FBXL20: variants seen among roughly 807,000 people sequenced by gnomAD.
FBXL20 encodes the protein F-box/LRR-repeat protein 20.
A neutral mutation model predicts 64.0 loss-of-function variants in FBXL20; 11 were observed. That is an observed-to-expected ratio of 0.17 (90% CI 0.11 to 0.28). FBXL20 has a LOEUF of 0.28. Among genes scored for constraint, FBXL20 ranks in the 10% least tolerant of loss-of-function variants. The pLI, the probability that FBXL20 is intolerant of heterozygous loss-of-function variation, is 1.00. For synonymous variants in FBXL20, 184 were observed against 189.0 expected (o/e 0.97, Z 0.22); for missense variants, 303 against 526.2 (o/e 0.58, Z 4.15).
chr17:39,400,372 G>A (rs1009685050), intron 1 of FBXL20, among the ~76,000 whole-genome samples: 8 of 152,086 alleles, frequency 5.3e-5, no homozygotes, highest in African/African-American at 1.9e-4. Context: ...TTGTCTCGCC[G>A]TCTTACAATT....
intron 2 of FBXL20, among the ~76,000 whole-genome samples, chr17:39,334,160 A>G (rs1871298888): frequency 6.6e-6 from 1 of 152,218 alleles, no homozygotes; most frequent in Non-Finnish European, 1.5e-5. Flanking sequence ...TTGTTAATCT[A>G]TAACCTTACC....
rs185959405 is a variant in FBXL20 at position 39,319,881 on chromosome 17, A to G, written c.105-16242T>C. Among the ~76,000 whole-genome samples the G allele has an allele frequency of 6.3e-3, 959 of 152,156 alleles. 17 individuals carry two copies. The highest frequency in any genetic ancestry group is 0.022 in the African/African-American group (917 of 41,510). On this transcript the variant is annotated intron_variant, in intron 2 of 14. Transcript: ENST00000264658. ...CCCACGCCAACTTCCCAAAGTGCTG[A>G]GATTGCAAGCATGAGCCACTGTGCC...
chr17:39,305,000 G>A (rs887393563), intron 2 of FBXL20, among the ~76,000 whole-genome samples: 3 of 151,776 alleles, frequency 2.0e-5, no homozygotes, highest in African/African-American at 4.8e-5. Context: ...CAGGTTATCC[G>A]CCCTGTCTCA....
intron 9 of FBXL20, among the ~76,000 whole-genome samples, chr17:39,277,012 A>G (rs1215625643): frequency 6.6e-6 from 1 of 152,226 alleles, no homozygotes; most frequent in African/African-American, 2.4e-5. Context: ...AGATTCACTA[A>G]TTTTGTGTAG....
chr17:39,321,532 T>G lies in FBXL20; in HGVS notation c.105-17893A>C, dbSNP rs551863954. The stretch of plus-strand genomic sequence containing the variant: ...GTGACTCATGCCTGTAATCCCAACA[T>G]TCTGGGAGGCCGAGGTGGGTGGATC... On this transcript the variant is annotated intron_variant, in intron 2 of 14. Coordinates refer to ENST00000264658, the MANE Select transcript of FBXL20 (RefSeq NM_032875.3). Among the ~76,000 whole-genome samples the G allele has an allele frequency of 2.9e-5, 4 of 140,048 alleles. No homozygotes were observed. The South Asian group carries it at 9.3e-4, about 32-fold the overall frequency. 91.9% of individuals were successfully genotyped at this position (140,048 alleles called of 152,430 possible).
intron 6 of FBXL20, among the ~76,000 whole-genome samples, chr17:39,289,463 C>G (rs1422173838): frequency 6.6e-6 from 1 of 151,056 alleles, no homozygotes; most frequent in Non-Finnish European, 1.5e-5. Context: ...TTGAGACCAC[C>G]TTGGGCAACA....
At chr17:39,297,468 T>C (rs1383260111) in intron 5 of FBXL20, 2 of 218,060 alleles carry the variant, frequency 9.2e-6, no homozygotes, top group Admixed American at 1.1e-4. Flanking sequence ...AAAACTGTGA[T>C]TACTTTTGCA....
At chr17:39,388,928 C>T (rs1231570704) in intron 1 of FBXL20, among the ~76,000 whole-genome samples, 1 of 149,208 alleles carries the variant, frequency 6.7e-6, no homozygotes, top group African/African-American at 2.4e-5. Context: ...ATAATGAAAC[C>T]CCCATCTCTA....
At chr17:39,356,513 G>A (rs556144996) in intron 1 of FBXL20, among the ~76,000 whole-genome samples, 17 of 152,068 alleles carry the variant, frequency 1.1e-4, no homozygotes, top group African/African-American at 3.4e-4. Flanking sequence ...ATATCACCAC[G>A]CTCAGCTATT....
chr17:39,295,843 A>C lies in FBXL20; in HGVS notation c.398+1284T>G, dbSNP rs947509325. ...GCCCTATAAAAGGTGTATTATACAA[A>C]CTCCTCCGCAGTTTGCTTTTCTTCA... On this transcript the variant is annotated intron_variant, in intron 6 of 14. Transcript: ENST00000264658. Among the ~76,000 whole-genome samples the C allele has an allele frequency of 9.4e-5, 14 of 148,502 alleles. No homozygotes were observed. The East Asian group carries it at 2.3e-3, about 25-fold the overall frequency.
chr17:39,290,269 G>A (rs559473985), intron 6 of FBXL20, among the ~76,000 whole-genome samples: 2 of 151,910 alleles, frequency 1.3e-5, no homozygotes, highest in African/African-American at 4.8e-5. Flanking sequence ...AAGTAGTCAT[G>A]TATCTCATTA....
chr17:39,365,827 T>G (rs529725345), intron 1 of FBXL20, among the ~76,000 whole-genome samples: 44 of 152,276 alleles, frequency 2.9e-4, no homozygotes, highest in African/African-American at 9.9e-4. Context: ...TACTGAAAAC[T>G]TCTTTTGAAG....
At position 39,261,453 on chromosome 17, in the gene FBXL20, T is replaced by TC; in HGVS notation, c.*6dup. ...ACTCAGTTCGCCAAGGTTGACCACC[T>TC]CCATTGTCATAGGATGATGCAGCAT... On this transcript the variant is annotated 3_prime_UTR_variant, in exon 15 of 15. Transcript: ENST00000264658. 6 of 1,609,528 alleles carry TC rather than the reference T, an allele frequency of 3.7e-6. No individual in the cohort carries two copies. The highest frequency in any genetic ancestry group is 5.1e-6 in the Non-Finnish European group (6 of 1,175,900).
At chr17:39,286,849 A>G (rs1597775929) in intron 6 of FBXL20, among the ~76,000 whole-genome samples, 5 of 151,556 alleles carry the variant, frequency 3.3e-5, no homozygotes, top group Admixed American at 2.6e-4. Flanking sequence ...TTTTTATTCC[A>G]GGATTTTAAA....
At chr17:39,325,134 G>C (rs1320016620) in intron 2 of FBXL20, among the ~76,000 whole-genome samples, 1 of 152,082 alleles carries the variant, frequency 6.6e-6, no homozygotes. Flanking sequence ...CCTGACCCTG[G>C]GAAGCTGAGG....
At position 39,301,092 on chromosome 17, in the gene FBXL20, G is replaced by A; in HGVS notation, c.160-17C>T. On this transcript the variant is annotated splice_polypyrimidine_tract_variant and intron_variant, in intron 3 of 14. Coordinates refer to ENST00000264658, the MANE Select transcript of FBXL20 (RefSeq NM_032875.3). The stretch of plus-strand genomic sequence containing the variant: ...ATTCCAGGCCTATTTTAAAGAAAAA[G>A]AGACAGAATGAGCAGAAGCTAAAAT... 1 of 1,608,204 alleles carries A rather than the reference G, an allele frequency of 6.2e-7. No individual in the cohort carries two copies. Among genetic ancestry groups the A allele is most frequent in the South Asian group, 1.1e-5 (1 of 90,678 alleles).
intron 2 of FBXL20, among the ~76,000 whole-genome samples, chr17:39,324,420 C>G (rs1027500031): frequency 6.6e-6 from 1 of 151,548 alleles, no homozygotes; most frequent in Non-Finnish European, 1.5e-5. Flanking sequence ...TCCCAAGTAG[C>G]TGGGATTACA....
intron 1 of FBXL20, among the ~76,000 whole-genome samples, chr17:39,345,550 A>T (rs1036928243): frequency 5.3e-5 from 8 of 150,410 alleles, no homozygotes; most frequent in African/African-American, 2.0e-4. Context: ...AATTTTAATA[A>T]TTTTTTTTTT....
Position 39,256,266 on chromosome 17 carries a change from A to G in FBXL20, c.*5194T>C, listed in dbSNP as rs1208033908. 1.3e-5 allele frequency: 2 copies of G among 150,372 alleles called. No homozygotes were observed. The highest frequency in any genetic ancestry group is 2.9e-5 in the Non-Finnish European group (2 of 67,824). 9.3% of individuals were successfully genotyped at this position (150,372 alleles called of 1,614,324 possible). ...AACCCAGGAGGCAGAGGTTGCAGTGAACTGAGATTGTGCCATGGCACTCCA... is the reference window on the plus strand; with the variant it reads ...AACCCAGGAGGCAGAGGTTGCAGTGGACTGAGATTGTGCCATGGCACTCCA... On this transcript the variant is annotated 3_prime_UTR_variant, in exon 15 of 15. Coordinates refer to ENST00000264658, the MANE Select transcript of FBXL20 (RefSeq NM_032875.3).
Sources: gnomAD v4.1 joint callset for allele counts (sites outside exome capture counted in the v4.1 genomes callset) on GRCh38, gnomAD v4.1.1 for gene constraint, MANE v1.5 for transcripts, NCBI Gene and HGNC (gene_info 2026-07-23, HGNC 2026-07-21) for gene names.